TESK2: variants seen among roughly 807,000 people sequenced by gnomAD.
The protein encoded by TESK2 is testis associated actin remodelling kinase 2, also known as dual specificity testis-specific protein kinase 2.
In TESK2, 39 loss-of-function variants were observed where a neutral mutation model predicts 57.1. The observed-to-expected ratio is 0.68, with a 90% CI of 0.53 to 0.89. TESK2 has a LOEUF of 0.89. TESK2 is among the 40% of genes least tolerant of loss of function. The probability of loss-of-function intolerance (pLI) is 0.00; values close to 1 mark genes in which losing one functional copy is unlikely to be tolerated. For missense variants in TESK2, 646 were observed against 732.1 expected, an observed-to-expected ratio of 0.88 and a Z score of 1.36; for synonymous variants, 249 against 267.9, an observed-to-expected ratio of 0.93 and a Z score of 0.69.
At chr1:45,357,846 A>G (rs1647503510) in intron 4 of TESK2, among the ~76,000 whole-genome samples, 1 of 151,680 alleles carries the variant, frequency 6.6e-6, no homozygotes, top group Non-Finnish European at 1.5e-5. Context: ...TCTCTACTAA[A>G]AATACAAAAT....
In TESK2 at chr1:45,392,870, T is replaced by A. The variant is rs534016433; in HGVS notation, c.345-6910A>T. 2.6e-4 allele frequency among the ~76,000 whole-genome samples: 40 copies of A among 152,306 alleles called. 1 individual carries two copies. In the South Asian group the frequency reaches 6.6e-3, roughly 25 times the overall value. On this transcript the variant is annotated intron_variant, in intron 3 of 10. Transcript: ENST00000372086. ...GGCTTTTAAGAGTACAGATCTTGTC[T>A]CATTTGTTTCTATATACAATGTCTC...
chr1:45,483,150 G>A lies in TESK2; in HGVS notation c.-87+7702C>T, dbSNP rs1201424728. Among the ~76,000 whole-genome samples the A allele has an allele frequency of 7.0e-5, 10 of 141,892 alleles. No individual in the cohort carries two copies. The South Asian group carries it at 1.1e-3, about 16-fold the overall frequency. 93.1% of individuals were successfully genotyped at this position (141,892 alleles called of 152,430 possible). ...AAAAAAATTAGCCGGGCATGGTAGCGGGTACCTGTAATCCCAGCTACTCAG... is the reference window on the plus strand; with the variant it reads ...AAAAAAATTAGCCGGGCATGGTAGCAGGTACCTGTAATCCCAGCTACTCAG... On this transcript the variant is annotated intron_variant, in intron 1 of 10. Transcript: ENST00000372086.
At chr1:45,472,558 CAAA>C (rs11294894) in intron 1 of TESK2, among the ~76,000 whole-genome samples, 17 of 107,022 alleles carry the variant, frequency 1.6e-4, no homozygotes, top group African/African-American at 4.4e-4. Flanking sequence ...AACTCCATCT[CAAA>C]AAAAAAAAAA....
intron 2 of TESK2, among the ~76,000 whole-genome samples, chr1:45,435,095 C>G (rs772398986): frequency 5.9e-5 from 9 of 151,594 alleles, no homozygotes; most frequent in Non-Finnish European, 8.8e-5. Flanking sequence ...TCCCAAGTAG[C>G]TGGGACTACA....
At chr1:45,489,125 T>A (rs1653607620) in intron 1 of TESK2, among the ~76,000 whole-genome samples, 1 of 140,666 alleles carries the variant, frequency 7.1e-6, no homozygotes, top group Non-Finnish European at 1.6e-5. Flanking sequence ...AGTGAGACCC[T>A]GACACCAAAG....
intron 2 of TESK2, among the ~76,000 whole-genome samples, chr1:45,426,238 T>C (rs560256843): frequency 1.3e-5 from 2 of 152,204 alleles, no homozygotes; most frequent in South Asian, 2.1e-4. Flanking sequence ...TAACATGGTA[T>C]TGGCATAAAA....
intron 2 of TESK2, among the ~76,000 whole-genome samples, chr1:45,447,724 T>C (rs1010084520): frequency 2.6e-5 from 4 of 152,182 alleles, no homozygotes; most frequent in South Asian, 2.1e-4. Flanking sequence ...CTTTATACAA[T>C]TGGCACTGTG....
intron 1 of TESK2, among the ~76,000 whole-genome samples, chr1:45,484,104 CTTTTT>C (rs533666070): frequency 7.1e-5 from 6 of 84,848 alleles, no homozygotes; most frequent in South Asian, 8.1e-4. Flanking sequence ...TTTAATTCTT[CTTTTT>C]TTTTTTTTTT....
intron 3 of TESK2, among the ~76,000 whole-genome samples, chr1:45,395,914 T>TTATATATTC (rs1261085586): frequency 1.3e-5 from 2 of 152,158 alleles, no homozygotes; most frequent in African/African-American, 4.8e-5. Flanking sequence ...AAACGCTTGT[T>TTATATATTC]AGTCTTTCTC....
intron 10 of TESK2, 149 bp from the exon 11 acceptor site, chr1:45,345,707 T>A: frequency 1.1e-6 from 1 of 928,500 alleles, no homozygotes; most frequent in Non-Finnish European, 1.7e-6. Flanking sequence ...GGGGAAGCAG[T>A]ATGCCAAGCC....
chr1:45,357,255 G>A (rs994643569), intron 4 of TESK2, among the ~76,000 whole-genome samples: 2 of 151,710 alleles, frequency 1.3e-5, no homozygotes, highest in Non-Finnish European at 2.9e-5. Context: ...ATGTATGTAT[G>A]TATGTATGTT....
At chr1:45,359,680 A>G (rs1647594764) in intron 4 of TESK2, among the ~76,000 whole-genome samples, 1 of 152,118 alleles carries the variant, frequency 6.6e-6, no homozygotes, top group Non-Finnish European at 1.5e-5. Flanking sequence ...TCTGGCCAAC[A>G]TGGTGAAACC....
intron 1 of TESK2, among the ~76,000 whole-genome samples, chr1:45,463,039 G>A (rs1398147542): frequency 6.6e-6 from 1 of 152,148 alleles, no homozygotes; most frequent in Non-Finnish European, 1.5e-5. Context: ...CTCCTTTTGA[G>A]AAATGTCTGT....
At chr1:45,414,365 G>A (rs1650153465) in intron 3 of TESK2, among the ~76,000 whole-genome samples, 1 of 152,150 alleles carries the variant, frequency 6.6e-6, no homozygotes, top group Non-Finnish European at 1.5e-5. Flanking sequence ...ACATTCTCAT[G>A]TATTATACTT....
chr1:45,373,084 C>T (rs55893155), intron 4 of TESK2, among the ~76,000 whole-genome samples: 2,056 of 148,032 alleles, frequency 0.014, 30 homozygotes, highest in Non-Finnish European at 0.022. Context: ...TGCACAACAA[C>T]GTGATAATAC....
intron 1 of TESK2, among the ~76,000 whole-genome samples, chr1:45,482,343 C>T (rs1653260204): frequency 6.6e-6 from 1 of 151,796 alleles, no homozygotes; most frequent in Admixed American, 6.6e-5. Flanking sequence ...GCCACGGTAA[C>T]ATAGTGAGAC....
chr1:45,457,800 C>CT lies in TESK2; in HGVS notation c.-16dup, dbSNP rs1288835078. The CT allele has an allele frequency of 1.2e-6, 2 of 1,605,930 alleles. No homozygotes were observed. The highest frequency in any genetic ancestry group is 1.7e-6 in the Non-Finnish European group (2 of 1,173,522). ...CTCCGATCCATAGTCTAAATAATCA[C>CT]TTTTTTCTTCTTTTAAGAAGGAACT... On this transcript the variant is annotated 5_prime_UTR_variant, in exon 2 of 11. Coordinates refer to ENST00000372086, the MANE Select transcript of TESK2 (RefSeq NM_007170.3).
intron 1 of TESK2, among the ~76,000 whole-genome samples, chr1:45,466,821 T>C (rs913385341): frequency 6.6e-6 from 1 of 151,716 alleles, no homozygotes; most frequent in Non-Finnish European, 1.5e-5. Flanking sequence ...ACATCTCTAG[T>C]TCCCTATCTG....
At chr1:45,453,949 C>T (rs934832610) in intron 2 of TESK2, among the ~76,000 whole-genome samples, 21 of 151,956 alleles carry the variant, frequency 1.4e-4, no homozygotes, top group Admixed American at 1.4e-3. Flanking sequence ...TAGAAAAATG[C>T]AAATCAAAAC....
Sources: allele counts gnomAD v4.1 joint callset (sites outside exome capture counted in the v4.1 genomes callset), GRCh38; gene constraint gnomAD v4.1.1; transcripts MANE v1.5; gene names NCBI Gene and HGNC (gene_info 2026-07-23, HGNC 2026-07-21).